The following RFX6 variants were observed in gnomAD, a reference collection of about 807,000 sequenced individuals.
RFX6 encodes the protein DNA-binding protein RFX6.
RFX6 carries 50 observed loss-of-function variants against 110.8 expected under a neutral mutation model. The ratio of observed to expected loss-of-function variants is 0.45; its 90% confidence interval spans 0.36 to 0.57. RFX6 has a LOEUF of 0.57. RFX6 is among the 20% of genes least tolerant of loss of function. The probability of loss-of-function intolerance (pLI) is 0.00; values close to 1 mark genes in which losing one functional copy is unlikely to be tolerated. For synonymous variants in RFX6, 383 were observed against 411.2 expected (o/e 0.93, Z 0.83); for missense variants, 990 against 1,127.0 (o/e 0.88, Z 1.74).
At position 116,894,040 on chromosome 6, in the gene RFX6, T is replaced by C; in HGVS notation, c.620T>C (p.Val207Ala). The change falls in exon 5 of 19, where the codon GTT becomes GCT. Residue 207 changes from valine (V) to alanine (A), a missense_variant. Val to Ala is a moderately conservative substitution (Grantham distance 64). Transcript: ENST00000332958. ...GAGAGCAGTGCATATTACCACTCCG[T>C]TTATTCTGGAAAGGGCTTGACAAGG... ...IKESSAYYHS[V>A]YSGKGLTRFS... The C allele has an allele frequency of 1.3e-6, 2 of 1,599,188 alleles. No individual in the cohort carries two copies. The highest frequency in any genetic ancestry group is 1.7e-6 in the Non-Finnish European group (2 of 1,166,586).
At position 116,910,926 on chromosome 6, in the gene RFX6, A is replaced by G. The variant is rs1397302708; in HGVS notation, c.673-9A>G. The G allele has an allele frequency of 1.9e-6, 3 of 1,595,130 alleles. No homozygotes were observed. The highest frequency in any genetic ancestry group is 2.7e-5 in the African/African-American group (2 of 74,522). On this transcript the variant is annotated splice_polypyrimidine_tract_variant and intron_variant, in intron 6 of 18. Coordinates refer to ENST00000332958, the MANE Select transcript of RFX6 (RefSeq NM_173560.4). ...ATGATGTATTTGTTTTCATTTTTCT[A>G]AATTATAGGGTGGCTTCACTCGTAA...
chr6:116,903,724 C>T (rs1413259397), intron 6 of RFX6, among the ~76,000 whole-genome samples: 1 of 152,038 alleles, frequency 6.6e-6, no homozygotes, highest in Non-Finnish European at 1.5e-5. Flanking sequence ...CTGTGACTTT[C>T]TGTTTTCCTT....
At chr6:116,898,306 T>C (rs575251965) in intron 6 of RFX6, among the ~76,000 whole-genome samples, 7 of 152,158 alleles carry the variant, frequency 4.6e-5, no homozygotes, top group Admixed American at 2.6e-4. Flanking sequence ...AGGGTGATAA[T>C]TGGAAAGGAC....
chr6:116,891,388 AC>A (rs1460602029), intron 4 of RFX6, among the ~76,000 whole-genome samples: 1 of 152,234 alleles, frequency 6.6e-6, no homozygotes, highest in African/African-American at 2.4e-5. Context: ...GAGTTGAGAA[AC>A]AAGAAAATTG....
intron 4 of RFX6, among the ~76,000 whole-genome samples, chr6:116,887,786 A>G (rs763818569): frequency 6.6e-6 from 1 of 152,214 alleles, no homozygotes; most frequent in Non-Finnish European, 1.5e-5. Flanking sequence ...TTTAATAAGC[A>G]TTTTACTGAG....
intron 4 of RFX6, among the ~76,000 whole-genome samples, chr6:116,889,676 T>C (rs149478036): frequency 0.011 from 1,692 of 152,198 alleles, 29 homozygotes; most frequent in Admixed American, 0.041. Flanking sequence ...ATAGTAATAG[T>C]CAAGTTTCTA....
chr6:116,913,649 CAAAT>C (rs1775404078), intron 7 of RFX6, among the ~76,000 whole-genome samples: 1 of 152,072 alleles, frequency 6.6e-6, no homozygotes, highest in Non-Finnish European at 1.5e-5. Context: ...ATTAAATAAA[CAAAT>C]TAAGTATTAT....
intron 18 of RFX6, among the ~76,000 whole-genome samples, chr6:116,931,065 AT>A (rs1775873681): frequency 1.3e-5 from 2 of 152,064 alleles, no homozygotes; most frequent in Non-Finnish European, 2.9e-5. Flanking sequence ...GAGGAGGTTG[AT>A]TGGGGGATAT....
intron 6 of RFX6, among the ~76,000 whole-genome samples, chr6:116,904,029 A>G (rs554887488): frequency 1.9e-4 from 29 of 152,128 alleles, no homozygotes; most frequent in African/African-American, 6.5e-4. Context: ...GTGTGTGATC[A>G]TTACTTTTGT....
chr6:116,911,634 C>T (rs1437545892), intron 7 of RFX6, among the ~76,000 whole-genome samples: 3 of 152,100 alleles, frequency 2.0e-5, no homozygotes, highest in African/African-American at 7.2e-5. Context: ...ACTATATCTT[C>T]GATTTCTGTA....
intron 4 of RFX6, among the ~76,000 whole-genome samples, chr6:116,885,706 A>G (rs1157618393): frequency 6.6e-5 from 10 of 150,568 alleles, no homozygotes; most frequent in African/African-American, 2.2e-4. Flanking sequence ...TTTTTGACAT[A>G]TAAGTTTTAT....
chr6:116,925,505 C>T lies in RFX6; in HGVS notation c.1731C>T (p.Asn577=), dbSNP rs894476532. 2 of 1,614,166 alleles carry T rather than the reference C, an allele frequency of 1.2e-6. No individual in the cohort carries two copies. Among genetic ancestry groups the T allele is most frequent in the East Asian group, 2.2e-5 (1 of 44,890 alleles). Residue 577 remains asparagine (N), a synonymous_variant, in exon 16 of 19, where the codon AAC becomes AAT. Transcript: ENST00000332958. ...CTCCGAGTTCATGCTTTCTGGCCAA[C>T]CGTAATAAAGGGAGCATGGTTTCCA... is the stretch of plus-strand genomic sequence containing the variant. ...TASPSSCFLA[N]RNKGSMVSSD...
At chr6:116,901,400 T>G (rs2114679262) in intron 6 of RFX6, among the ~76,000 whole-genome samples, 1 of 152,296 alleles carries the variant, frequency 6.6e-6, no homozygotes, top group Non-Finnish European at 1.5e-5. Context: ...AAGTGCTTAC[T>G]GTATTGGACA....
intron 10 of RFX6, among the ~76,000 whole-genome samples, chr6:116,918,494 T>C (rs903339007): frequency 4.0e-5 from 6 of 151,756 alleles, no homozygotes; most frequent in Non-Finnish European, 5.9e-5. Flanking sequence ...ATGAAATTAC[T>C]GCCTTCTTTT....
rs756464041 is a variant in RFX6, at chr6:116,924,806, CTG to C, written c.1678+17_1678+18del. On this transcript the variant is annotated intron_variant, in intron 15 of 18. Transcript: ENST00000332958. The stretch of plus-strand genomic sequence containing the variant: ...GAAGAATTCAGGTAACTTAAAATAA[CTG>C]TTTTGTTTTGCATATTTCTTTGTTT... 4 of 1,543,620 alleles carry C rather than the reference CTG, an allele frequency of 2.6e-6. No individual in the cohort carries two copies. The South Asian group carries it at 4.5e-5, about 17-fold the overall frequency.
chr6:116,922,234 A>G (rs1775616426), intron 13 of RFX6, 83 bp downstream of exon 13: 1 of 781,000 alleles, frequency 1.3e-6, no homozygotes. Context: ...GTCTGGGGGG[A>G]GAGGGGTGGA....
At chr6:116,900,478 C>A (rs972034337) in intron 6 of RFX6, among the ~76,000 whole-genome samples, 6 of 152,134 alleles carry the variant, frequency 3.9e-5, no homozygotes, top group African/African-American at 1.2e-4. Context: ...TGGTCTTGAA[C>A]TCCTGACCTC....
chr6:116,892,294 G>T (rs1774849118), intron 4 of RFX6, among the ~76,000 whole-genome samples: 5 of 152,204 alleles, frequency 3.3e-5, no homozygotes, highest in South Asian at 2.1e-4. Context: ...ACTTTGGGGG[G>T]CTCATTCTGG....
rs773523601 is a variant in RFX6 at position 116,928,957 on chromosome 6, G to A, written c.2597G>A (p.Arg866Gln). The change falls in exon 18 of 19, where the codon CGA (arginine) becomes CAA (glutamine). Residue 866 changes from arginine (R) to glutamine (Q), a missense_variant. Around this residue, in one of 5 missense-constraint regions of RFX6, gnomAD observed 438 missense variants for 441.9 expected, o/e 0.99. Coordinates refer to ENST00000332958, the MANE Select transcript of RFX6 (RefSeq NM_173560.4). ...YTDTSSPVAC[R>Q]TPVLASSLQT... ...GACACATCATCTCCAGTTGCATGTC[G>A]AACTCCAGTCCTAGGTAAATTATTT... is the stretch of plus-strand genomic sequence containing the variant. 2.1e-5 allele frequency: 33 copies of A among 1,604,960 alleles called. No homozygotes were observed. The highest frequency in any genetic ancestry group is 3.3e-4 in the Middle Eastern group (2 of 6,064).
Sources: allele counts gnomAD v4.1 joint callset (sites outside exome capture counted in the v4.1 genomes callset), GRCh38; gene constraint gnomAD v4.1.1; regional missense constraint gnomAD v4.1.1; transcripts MANE v1.5; gene names NCBI Gene and HGNC (gene_info 2026-07-23, HGNC 2026-07-21).